MAN2A1: variants seen among roughly 807,000 people sequenced by gnomAD.
MAN2A1 encodes mannosidase alpha class 2A member 1.
MAN2A1 carries 76 observed loss-of-function variants against 142.6 expected under a neutral mutation model. That is an observed-to-expected ratio of 0.53 (90% CI 0.44 to 0.65). The LOEUF (loss-of-function observed/expected upper bound fraction) is 0.65, where lower values mean the gene tolerates loss of function less well. Ranked by LOEUF, MAN2A1 falls within the 30% of genes least tolerant of loss-of-function variation. The pLI is 0.00. For synonymous variants in MAN2A1, 559 were observed against 473.2 expected (o/e 1.18, Z -2.35); for missense variants, 1,311 against 1,365.1 (o/e 0.96, Z 0.62).
chr5:109,810,184 G>T (rs1754278388), intron 12 of MAN2A1, among the ~76,000 whole-genome samples: 1 of 151,766 alleles, frequency 6.6e-6, no homozygotes, highest in African/African-American at 2.4e-5. Flanking sequence ...CAATATCTGG[G>T]TCATGTATAG....
rs993919660 is a variant in MAN2A1, at chr5:109,784,538, G to A, written c.1578-206G>A. On this transcript the variant is annotated intron_variant, in intron 9 of 21. Coordinates refer to ENST00000261483, the MANE Select transcript of MAN2A1 (RefSeq NM_002372.4). ...GGACTCCTGATACCAGTGTAGACATGGTATTCTTTGATGATTGAGAACGTA... is the reference window on the plus strand; with the variant it reads ...GGACTCCTGATACCAGTGTAGACATAGTATTCTTTGATGATTGAGAACGTA... Among the ~76,000 whole-genome samples the A allele has an allele frequency of 1.5e-4, 23 of 152,012 alleles. No individual in the cohort carries two copies. In the East Asian group the frequency reaches 4.3e-3, roughly 28 times the overall value.
rs564084678 is a variant in MAN2A1, at chr5:109,824,180, A to T, written c.2566+343A>T. ...ATATTAAATACGACTTTCAGTTAAT[A>T]GACCACACACATATATGGGGCCTGC... On this transcript the variant is annotated intron_variant, in intron 16 of 21. Transcript: ENST00000261483. Among the ~76,000 whole-genome samples the T allele has an allele frequency of 1.2e-4, 18 of 152,362 alleles. No homozygotes were observed. In the South Asian group the frequency reaches 1.2e-3, roughly 11 times the overall value.
intron 3 of MAN2A1, among the ~76,000 whole-genome samples, chr5:109,727,197 C>G (rs1380378881): frequency 6.6e-6 from 1 of 152,136 alleles, no homozygotes; most frequent in African/African-American, 2.4e-5. Context: ...AAGTACCAGA[C>G]TAAGTGGCTT....
intron 16 of MAN2A1, among the ~76,000 whole-genome samples, chr5:109,835,530 C>T (rs772494707): frequency 6.6e-6 from 1 of 152,106 alleles, no homozygotes; most frequent in Non-Finnish European, 1.5e-5. Context: ...TTAAATATGC[C>T]GCTTAGGATT....
intron 16 of MAN2A1, among the ~76,000 whole-genome samples, chr5:109,831,813 G>C (rs938822979): frequency 2.0e-5 from 3 of 151,840 alleles, no homozygotes; most frequent in African/African-American, 7.3e-5. Flanking sequence ...TCATGTGTGT[G>C]TGTGTGTGTG....
At chr5:109,751,164 C>T (rs1175296371) in intron 4 of MAN2A1, among the ~76,000 whole-genome samples, 4 of 152,030 alleles carry the variant, frequency 2.6e-5, no homozygotes, top group African/African-American at 9.7e-5. Flanking sequence ...TCTTCCCAGC[C>T]TCTGGTGTCT....
intron 1 of MAN2A1, among the ~76,000 whole-genome samples, chr5:109,701,267 C>T (rs1432817661): frequency 1.3e-5 from 2 of 152,190 alleles, no homozygotes; most frequent in African/African-American, 2.4e-5. Context: ...AGAAGCTAAG[C>T]TTTCCCTATG....
intron 19 of MAN2A1, chr5:109,854,758 A>G (rs1561544611): frequency 6.3e-6 from 1 of 157,644 alleles, no homozygotes. Flanking sequence ...GAGAAGGGAG[A>G]TAATATTTGA....
At chr5:109,853,430 G>A (rs138260032) in intron 19 of MAN2A1, among the ~76,000 whole-genome samples, 6 of 152,286 alleles carry the variant, frequency 3.9e-5, no homozygotes, top group South Asian at 4.1e-4. Context: ...AAACACCAAC[G>A]GTTAGGAAGA....
At chr5:109,765,793 G>T (rs765621264) in intron 5 of MAN2A1, among the ~76,000 whole-genome samples, 2 of 152,002 alleles carry the variant, frequency 1.3e-5, no homozygotes, top group African/African-American at 2.4e-5. Flanking sequence ...CACCTCAGTT[G>T]TCCCAGATTT....
At chr5:109,703,479 C>T (rs1370959) in intron 1 of MAN2A1, among the ~76,000 whole-genome samples, 110,264 of 152,118 alleles carry the variant, frequency 0.72, 40,889 homozygotes, top group East Asian at 0.93. Flanking sequence ...GGCCTGAAAG[C>T]ATATCACATG....
intron 17 of MAN2A1, among the ~76,000 whole-genome samples, chr5:109,843,185 T>A (rs572719545): frequency 6.6e-6 from 1 of 152,270 alleles, no homozygotes; most frequent in African/African-American, 2.4e-5. Context: ...AGAGGTTTAA[T>A]TGACTCACAG....
In MAN2A1 at chr5:109,810,991, A is replaced by AT. The variant is rs11298846; in HGVS notation, c.1944-6268dup. ...ATAAGAGCACTTTACAAGTTTTACT[A>AT]TTTTTTTTTTTTTTAGTTTTTGTTC... On this transcript the variant is annotated intron_variant, in intron 12 of 21. Transcript: ENST00000261483. Among the ~76,000 whole-genome samples the AT allele has an allele frequency of 2.2e-3, 314 of 145,732 alleles. 10 individuals carry two copies. In the South Asian group the frequency reaches 0.055, roughly 25 times the overall value.
intron 10 of MAN2A1, among the ~76,000 whole-genome samples, chr5:109,787,846 G>A (rs2112676367): frequency 6.6e-6 from 1 of 151,936 alleles, no homozygotes; most frequent in Non-Finnish European, 1.5e-5. Context: ...TGCTGTCTAG[G>A]AAAACATTTG....
At chr5:109,845,745 C>T (rs1755328539) in intron 17 of MAN2A1, 120 bp from the exon 18 acceptor site, 22 of 627,782 alleles carry the variant, frequency 3.5e-5, no homozygotes, top group Middle Eastern at 3.3e-4. Flanking sequence ...TTATTTCTTC[C>T]ACTGAATAAA....
At chr5:109,761,442 T>C (rs551939563) in intron 5 of MAN2A1, among the ~76,000 whole-genome samples, 4 of 152,068 alleles carry the variant, frequency 2.6e-5, no homozygotes, top group Admixed American at 6.5e-5. Context: ...GTAATATTAC[T>C]GGTTTTCTTA....
chr5:109,828,435 C>G (rs557460520), intron 16 of MAN2A1, among the ~76,000 whole-genome samples: 2 of 152,154 alleles, frequency 1.3e-5, no homozygotes, highest in Non-Finnish European at 1.5e-5. Flanking sequence ...AATACTGCAC[C>G]TACAAGGAAA....
At chr5:109,727,063 C>T (rs983837099) in intron 3 of MAN2A1, among the ~76,000 whole-genome samples, 1 of 152,110 alleles carries the variant, frequency 6.6e-6, no homozygotes, top group Non-Finnish European at 1.5e-5. Context: ...ATAGTATATT[C>T]AGTTAAATAT....
At chr5:109,814,859 TCA>T (rs1029016306) in intron 12 of MAN2A1, among the ~76,000 whole-genome samples, 1 of 152,186 alleles carries the variant, frequency 6.6e-6, no homozygotes, top group Non-Finnish European at 1.5e-5. Context: ...CATTATAGTA[TCA>T]CAGTCTTCAT....
Sources: gnomAD v4.1 joint callset for allele counts (sites outside exome capture counted in the v4.1 genomes callset) on GRCh38, gnomAD v4.1.1 for gene constraint, MANE v1.5 for transcripts, NCBI Gene and HGNC (gene_info 2026-07-23, HGNC 2026-07-21) for gene names.